SMC2: variants seen among roughly 807,000 people sequenced by gnomAD.
SMC2 encodes structural maintenance of chromosomes protein 2.
A neutral mutation model predicts 142.6 loss-of-function variants in SMC2; 41 were observed. The observed-to-expected ratio is 0.29, with a 90% CI of 0.22 to 0.37. SMC2 has a LOEUF of 0.37. Among genes scored for constraint, SMC2 ranks in the 10% least tolerant of loss-of-function variants. The pLI, the probability that SMC2 is intolerant of heterozygous loss-of-function variation, is 1.00. For missense variants in SMC2, 1,265 were observed against 1,373.7 expected, an observed-to-expected ratio of 0.92 and a Z score of 1.25; for synonymous variants, 463 against 457.5, an observed-to-expected ratio of 1.01 and a Z score of -0.15.
chr9:104,137,544 GTGTC>G (rs898949746), intron 23 of SMC2, among the ~76,000 whole-genome samples: 4 of 151,996 alleles, frequency 2.6e-5, no homozygotes, highest in African/African-American at 9.7e-5. Context: ...GATTGTGTGT[GTGTC>G]TGTCTGTGTG....
At chr9:104,122,293 G>T (rs1242060521) in intron 16 of SMC2, among the ~76,000 whole-genome samples, 2 of 152,062 alleles carry the variant, frequency 1.3e-5, no homozygotes, top group African/African-American at 4.8e-5. Context: ...GAGAATGGTG[G>T]AAGAATCAGC....
intron 17 of SMC2, 38 bp from the exon 18 acceptor site, chr9:104,124,874 T>A: frequency 6.7e-7 from 1 of 1,502,940 alleles, no homozygotes; most frequent in Non-Finnish European, 9.0e-7. Context: ...ACCTTTACCA[T>A]TGTTAACTTA....
chr9:104,125,467 A>G (rs1167351233), intron 18 of SMC2, among the ~76,000 whole-genome samples: 1 of 152,156 alleles, frequency 6.6e-6, no homozygotes, highest in Non-Finnish European at 1.5e-5. Context: ...GATAAGGGAT[A>G]TTTAATCTGT....
chr9:104,134,425 A>T lies in SMC2; in HGVS notation c.3119A>T (p.Asp1040Val), dbSNP rs760754268. The T allele has an allele frequency of 6.3e-7, 1 of 1,582,532 alleles. No individual in the cohort carries two copies. The highest frequency in any genetic ancestry group is 8.6e-7 in the Non-Finnish European group (1 of 1,168,848). ...LNIAWQKVNK[D>V]FGSIFSTLLP... is the part of the protein sequence containing the mutation. ...ATTTTTTAAATCCAGGTGAACAAGG[A>T]CTTTGGGTCTATTTTTTCTACTCTT... The change falls in exon 23 of 25, where the codon GAC becomes GTC. Residue 1040 changes from aspartate (D) to valine (V), a missense_variant. Asp to Val is a radical substitution (Grantham distance 152, BLOSUM62 -3). Transcript: ENST00000374793.
At chr9:104,101,610 A>G (rs1831129456) in intron 7 of SMC2, among the ~76,000 whole-genome samples, 1 of 152,176 alleles carries the variant, frequency 6.6e-6, no homozygotes, top group Admixed American at 6.5e-5. Flanking sequence ...TAGTGCTTCA[A>G]AGTATATTAG....
At chr9:104,098,653 G>T in intron 4 of SMC2, 85 bp downstream of exon 4, 1 of 1,342,702 alleles carries the variant, frequency 7.4e-7, no homozygotes, top group Non-Finnish European at 1.0e-6. Context: ...AGTACTTTAT[G>T]TTTTGGATTT....
chr9:104,097,481 CCT>C (rs1311879809), intron 3 of SMC2, among the ~76,000 whole-genome samples: 1 of 147,518 alleles, frequency 6.8e-6, no homozygotes, highest in Non-Finnish European at 1.5e-5. Flanking sequence ...CAGATTTTCT[CCT>C]CTATTTTAAT....
At chr9:104,118,150 A>G (rs751715027) in intron 14 of SMC2, 21 bp from the exon 15 acceptor site, 7 of 1,603,894 alleles carry the variant, frequency 4.4e-6, no homozygotes, top group Non-Finnish European at 6.0e-6. Flanking sequence ...GTACTGTGGC[A>G]TATCTGTTGT....
upstream of SMC2, among the ~76,000 whole-genome samples, chr9:104,093,532 A>G (rs1023401417): frequency 6.6e-6 from 1 of 152,218 alleles, no homozygotes; most frequent in Non-Finnish European, 1.5e-5. Context: ...CTTGCAATAT[A>G]GCCTAATATT....
In SMC2 at chr9:104,141,254, G is replaced by C. The variant is rs1836021860; in HGVS notation, c.*1939G>C. On this transcript the variant is annotated 3_prime_UTR_variant, in exon 25 of 25. Coordinates refer to ENST00000374793, the MANE Select transcript of SMC2 (RefSeq NM_006444.3). ...GTCAGCATGGTGTAATCGAGGAATT[G>C]AGTGAGTTGAGCAGAAAAGTTAGGA... 6.6e-6 allele frequency: 1 copy of C among 152,158 alleles called. No individual in the cohort carries two copies. The highest frequency in any genetic ancestry group is 1.5e-5 in the Non-Finnish European group (1 of 68,022). 9.4% of individuals were successfully genotyped at this position (152,158 alleles called of 1,614,324 possible).
At chr9:104,126,482 T>C (rs1834300383) in intron 18 of SMC2, among the ~76,000 whole-genome samples, 159 bp from the exon 19 acceptor site, 1 of 152,146 alleles carries the variant, frequency 6.6e-6, no homozygotes, top group Non-Finnish European at 1.5e-5. Flanking sequence ...AACTTCCTTT[T>C]CTGGGGAAGC....
intron 15 of SMC2, 134 bp downstream of exon 15, chr9:104,118,509 C>G: frequency 1.5e-6 from 1 of 679,200 alleles, no homozygotes. Flanking sequence ...TTTGCCAGTG[C>G]CACCTACCTC....
chr9:104,129,592 A>C, intron 20 of SMC2, 53 bp from the exon 21 acceptor site: 1 of 1,350,922 alleles, frequency 7.4e-7, no homozygotes, highest in Non-Finnish European at 1.1e-6. Context: ...TGGCTTATAC[A>C]TATTGGTTTG....
Position 104,131,995 on chromosome 9 carries a change from T to A in SMC2, c.2992-14T>A, listed in dbSNP as rs757864706. 7.7e-7 allele frequency: 1 copy of A among 1,302,506 alleles called. No homozygotes were observed. Among genetic ancestry groups the A allele is most frequent in the African/African-American group, 1.5e-5 (1 of 66,598 alleles). 80.7% of individuals were successfully genotyped at this position (1,302,506 alleles called of 1,614,324 possible). ...TTTATATTTTCCCAGTTAACCATGT[T>A]TTTTATCTCATAGTACAATGACTTG... On this transcript the variant is annotated splice_polypyrimidine_tract_variant and intron_variant, in intron 21 of 24. Transcript: ENST00000374793.
At chr9:104,090,386 C>A (rs1004639713), upstream of SMC2, among the ~76,000 whole-genome samples, 19 of 151,998 alleles carry the variant, frequency 1.3e-4, no homozygotes, top group African/African-American at 4.6e-4. Context: ...GGCAGGTGAG[C>A]TGGAACTAAG....
upstream of SMC2, among the ~76,000 whole-genome samples, chr9:104,090,475 G>A (rs188985210): frequency 1.3e-3 from 198 of 151,948 alleles, no homozygotes; most frequent in Non-Finnish European, 1.9e-3. Flanking sequence ...TTGGGGAAGC[G>A]ATAAAGAAGT....
upstream of SMC2, among the ~76,000 whole-genome samples, chr9:104,089,567 C>T (rs571743601): frequency 9.9e-5 from 15 of 152,060 alleles, no homozygotes; most frequent in South Asian, 3.1e-3. Flanking sequence ...AACCAGCATG[C>T]AAGTGATAAA....
Position 104,138,082 on chromosome 9 carries a change from C to T in SMC2, c.3334C>T (p.Leu1112Phe). The change falls in exon 24 of 25, where the codon CTT (leucine) becomes TTT (phenylalanine). Residue 1112 changes from leucine (L) to phenylalanine (F), a missense_variant. Around this residue, in one of 4 missense-constraint regions of SMC2, gnomAD observed 192 missense variants for 261.9 expected, o/e 0.73. Transcript: ENST00000374793. ...CTTCAAACCTGCTCCAATTTATATCCTTGATGAGGTAGATGCAGCCTTGGA... is the reference window on the plus strand; with the variant it reads ...CTTCAAACCTGCTCCAATTTATATCTTTGATGAGGTAGATGCAGCCTTGGA... ...LLFKPAPIYI[L>F]DEVDAALDLS... 1 of 1,610,068 alleles carries T rather than the reference C, an allele frequency of 6.2e-7. No individual in the cohort carries two copies. The highest frequency in any genetic ancestry group is 1.3e-5 in the African/African-American group (1 of 74,936).
Position 104,134,559 on chromosome 9 carries a change from C to T in SMC2, c.3253C>T (p.Leu1085Phe). Reference sequence around the variant, plus strand: ...TACCTGGAAAGAAAACCTAACTGAACTTAGTGGTGGTCAGAGGTGAGGAAT... The same window carrying T: ...TACCTGGAAAGAAAACCTAACTGAATTTAGTGGTGGTCAGAGGTGAGGAAT... ...GNTWKENLTELSGGQRSLVAL... is the reference protein window; with the variant it reads ...GNTWKENLTEFSGGQRSLVAL... The change falls in exon 23 of 25, where the codon CTT becomes TTT. Residue 1085 changes from leucine (L) to phenylalanine (F), a missense_variant. By Grantham distance (22) the Leu-to-Phe change is conservative. Transcript: ENST00000374793. The T allele has an allele frequency of 6.2e-7, 1 of 1,606,724 alleles. No homozygotes were observed. The highest frequency in any genetic ancestry group is 1.1e-5 in the South Asian group (1 of 90,010).
Sources: gnomAD v4.1 joint callset for allele counts (sites outside exome capture counted in the v4.1 genomes callset) on GRCh38, gnomAD v4.1.1 for gene constraint, gnomAD v4.1.1 regional missense constraint, MANE v1.5 for transcripts, NCBI Gene and HGNC (gene_info 2026-07-23, HGNC 2026-07-21) for gene names.